KBTBD11: variants seen among roughly 807,000 people sequenced by gnomAD.
KBTBD11 encodes kelch repeat and BTB domain-containing protein 11.
For missense variants in KBTBD11, 1,390 were observed against 1,001.8 expected (o/e 1.39, Z -5.23); for synonymous variants, 747 against 499.0 (o/e 1.50, Z -6.63).
intron 1 of KBTBD11, among the ~76,000 whole-genome samples, chr8:1,993,381 CCG>C (rs1816992689): frequency 2.3e-5 from 3 of 132,530 alleles, no homozygotes; most frequent in African/African-American, 8.2e-5. Flanking sequence ...GTCCGTCCGT[CCG>C]TCCGTCCGTC....
chr8:1,981,215 A>G (rs1339011583), intron 1 of KBTBD11, among the ~76,000 whole-genome samples: 1 of 152,194 alleles, frequency 6.6e-6, no homozygotes, highest in Non-Finnish European at 1.5e-5. Context: ...AATGAAGGGG[A>G]GAGAAAGACT....
chr8:1,986,651 C>G (rs1318131484), intron 1 of KBTBD11, among the ~76,000 whole-genome samples: 1 of 152,124 alleles, frequency 6.6e-6, no homozygotes. Context: ...ATTAACTGTA[C>G]TTAGGTGTGT....
chr8:1,993,792 G>C (rs1224872901), intron 1 of KBTBD11, among the ~76,000 whole-genome samples: 1 of 151,944 alleles, frequency 6.6e-6, no homozygotes, highest in South Asian at 2.1e-4. Flanking sequence ...TCTTATTAGA[G>C]AATGCACCAT....
intron 1 of KBTBD11, among the ~76,000 whole-genome samples, chr8:1,980,450 C>G (rs988341083): frequency 6.6e-6 from 1 of 152,220 alleles, no homozygotes; most frequent in Non-Finnish European, 1.5e-5. Flanking sequence ...TGGTCCCAAT[C>G]TCTTGACCTC....
chr8:2,001,525 C>T lies in KBTBD11; in HGVS notation c.333C>T (p.Arg111=). Residue 111 remains arginine (R), a synonymous_variant, in exon 2 of 2, where the codon CGC becomes CGT. Coordinates refer to ENST00000320248, the MANE Select transcript of KBTBD11 (RefSeq NM_014867.3). ...CCGCGGCGCCGTCCCCCGAACCGCG[C>T]GTTTGGCTTGAGGACCCCGCGTCCC... is the stretch of plus-strand genomic sequence containing the variant. ...EEPAAPSPEP[R]VWLEDPASPE... The T allele has an allele frequency of 1.4e-6, 2 of 1,423,786 alleles. No homozygotes were observed. The highest frequency in any genetic ancestry group is 2.5e-4 in the Middle Eastern group (1 of 4,026). The allele number at this position is 1,423,786 out of a possible 1,614,324, so 88.2% of individuals were successfully genotyped here. A position where few individuals can be genotyped will look rare whatever the true frequency, so the allele number is the denominator to read the frequency against.
Position 2,004,016 on chromosome 8 carries a change from T to C in KBTBD11, c.*952T>C, listed in dbSNP as rs951635953. On this transcript the variant is annotated 3_prime_UTR_variant, in exon 2 of 2. Coordinates refer to ENST00000320248, the MANE Select transcript of KBTBD11 (RefSeq NM_014867.3). ...TTTGACAGTTCTATAAAAAAAAGTG[T>C]AGGCACATTTTAAACCCACTGTATA... is the stretch of plus-strand genomic sequence containing the variant. 3 of 166,802 alleles carry C rather than the reference T, an allele frequency of 1.8e-5. No homozygotes were observed. The highest frequency in any genetic ancestry group is 4.8e-5 in the African/African-American group (2 of 41,444). 10.3% of individuals were successfully genotyped at this position (166,802 alleles called of 1,614,324 possible).
chr8:2,005,671 C>T lies in KBTBD11; in HGVS notation c.*2607C>T, dbSNP rs939999826. 7 of 167,080 alleles carry T rather than the reference C, an allele frequency of 4.2e-5. No homozygotes were observed. The highest frequency in any genetic ancestry group is 8.8e-5 in the Non-Finnish European group (6 of 68,134). The allele number at this position is 167,080 out of a possible 1,614,324, so 10.3% of individuals were successfully genotyped here. On this transcript the variant is annotated 3_prime_UTR_variant, in exon 2 of 2. Coordinates refer to ENST00000320248, the MANE Select transcript of KBTBD11 (RefSeq NM_014867.3). Reference sequence around the variant, plus strand: ...TGCAAAAATATTCCTGGTCATCCACCCATTAAAATAGTTAGATGAGGCTAT... The same window carrying T: ...TGCAAAAATATTCCTGGTCATCCACTCATTAAAATAGTTAGATGAGGCTAT...
Position 2,002,583 on chromosome 8 carries a change from G to A in KBTBD11, c.1391G>A (p.Gly464Asp). 1.3e-6 allele frequency: 2 copies of A among 1,583,170 alleles called. No homozygotes were observed. The highest frequency in any genetic ancestry group is 1.7e-5 in the Admixed American group (1 of 58,488). ...TCHGEIYVSG[G>D]SLFYRLLKYD... ...CACGGCGAGATCTACGTGTCCGGGG[G>A]CTCCCTCTTCTATCGCCTGCTCAAG... Residue 464 changes from glycine to aspartate, a missense_variant, in exon 2 of 2, where the codon GGC becomes GAC. Physicochemically the swap from Gly to Asp is moderately conservative, Grantham distance 94 (BLOSUM62 -1). Transcript: ENST00000320248. The surrounding 1 kb of genome is among the most constrained non-coding windows in gnomAD (Gnocchi z 4.1).
chr8:1,993,109 A>AT (rs890769596), intron 1 of KBTBD11, among the ~76,000 whole-genome samples: 7 of 151,126 alleles, frequency 4.6e-5, no homozygotes, highest in South Asian at 2.1e-4. Flanking sequence ...CTCTCAGCTA[A>AT]TTTTTTTTTG....
rs569689861 is a variant in KBTBD11 at position 2,006,113 on chromosome 8, A to C, written c.*3049A>C. The C allele has an allele frequency of 2.7e-4, 45 of 167,200 alleles. No homozygotes were observed. The highest frequency in any genetic ancestry group is 2.1e-3 in the Admixed American group (32 of 15,306). The allele number at this position is 167,200 out of a possible 1,614,324, so 10.4% of individuals were successfully genotyped here. A position where few individuals can be genotyped will look rare whatever the true frequency, so the allele number is the denominator to read the frequency against. On this transcript the variant is annotated 3_prime_UTR_variant, in exon 2 of 2. Coordinates refer to ENST00000320248, the MANE Select transcript of KBTBD11 (RefSeq NM_014867.3). ...GTTGTGGAAATTCTTTGGCTACTTA[A>C]CTAAAACTCGTGACTGTATAAGTTT... is the stretch of plus-strand genomic sequence containing the variant.
At chr8:1,985,448 C>T (rs1331580084) in intron 1 of KBTBD11, among the ~76,000 whole-genome samples, 18 of 152,294 alleles carry the variant, frequency 1.2e-4, no homozygotes. Context: ...AGGGGAGATG[C>T]TCTTCCACAG....
chr8:2,003,111 C>T lies in KBTBD11; in HGVS notation c.*47C>T. On this transcript the variant is annotated 3_prime_UTR_variant, in exon 2 of 2. Coordinates refer to ENST00000320248, the MANE Select transcript of KBTBD11 (RefSeq NM_014867.3). ...CTCCCTCGGCAGGGGTTTGCGGGGC[C>T]CAGGTCCCTTTGGGCCCGCGGAGGA... 1 of 1,254,882 alleles carries T rather than the reference C, an allele frequency of 8.0e-7. No individual in the cohort carries two copies. Among genetic ancestry groups the T allele is most frequent in the Non-Finnish European group, 1.0e-6 (1 of 993,702 alleles). 77.7% of individuals were successfully genotyped at this position (1,254,882 alleles called of 1,614,324 possible). A position where few individuals can be genotyped will look rare whatever the true frequency, so the allele number is the denominator to read the frequency against.
In KBTBD11 at chr8:2,001,555, G is replaced by C; in HGVS notation, c.363G>C (p.Glu121Asp). 1 of 1,429,426 alleles carries C rather than the reference G, an allele frequency of 7.0e-7. No individual in the cohort carries two copies. The highest frequency in any genetic ancestry group is 9.1e-7 in the Non-Finnish European group (1 of 1,094,644). 88.5% of individuals were successfully genotyped at this position (1,429,426 alleles called of 1,614,324 possible). A position where few individuals can be genotyped will look rare whatever the true frequency, so the allele number is the denominator to read the frequency against. ...GGCTTGAGGACCCCGCGTCCCCCGA[G>C]GAGCCCGGGGAGCCCGCGCCCGTAC... Reference protein sequence around the residue: ...RVWLEDPASPEEPGEPAPVPP... With the variant: ...RVWLEDPASPDEPGEPAPVPP... Residue 121 changes from glutamate (E) to aspartate (D), a missense_variant, in exon 2 of 2, where the codon GAG becomes GAC. Physicochemically the swap from Glu to Asp is conservative, Grantham distance 45 (BLOSUM62 2). Coordinates refer to ENST00000320248, the MANE Select transcript of KBTBD11 (RefSeq NM_014867.3).
At position 2,001,058 on chromosome 8, in the gene KBTBD11, A is replaced by G; in HGVS notation, c.-135A>G. 8.6e-7 allele frequency: 1 copy of G among 1,159,100 alleles called. No individual in the cohort carries two copies. Among genetic ancestry groups the G allele is most frequent in the Non-Finnish European group, 1.1e-6 (1 of 913,268 alleles). 71.8% of individuals were successfully genotyped at this position (1,159,100 alleles called of 1,614,324 possible). On this transcript the variant is annotated 5_prime_UTR_variant, in exon 2 of 2. Transcript: ENST00000320248. ...TCACACACACAACAACAAAGCGTGGACACACAGAAGTGAAATCTGATCGCG... is the reference window on the plus strand; with the variant it reads ...TCACACACACAACAACAAAGCGTGGGCACACAGAAGTGAAATCTGATCGCG...
intron 1 of KBTBD11, chr8:1,975,877 G>A (rs1385359328): frequency 6.6e-6 from 1 of 152,172 alleles, no homozygotes; most frequent in Non-Finnish European, 1.5e-5. Context: ...CTTCAATGGG[G>A]TTTCCATATG....
Position 2,000,901 on chromosome 8 carries a change from C to A in KBTBD11, c.-292C>A. ...GCGGTCCTGGCGCCAGCTGGAGATCCATTCACCAAGACTTTCTGGGCAGAT... is the reference window on the plus strand; with the variant it reads ...GCGGTCCTGGCGCCAGCTGGAGATCAATTCACCAAGACTTTCTGGGCAGAT... On this transcript the variant is annotated 5_prime_UTR_variant, in exon 2 of 2. Transcript: ENST00000320248. The A allele has an allele frequency of 2.8e-6, 1 of 355,378 alleles. No individual in the cohort carries two copies. The highest frequency in any genetic ancestry group is 2.1e-5 in the African/African-American group (1 of 47,780). The allele number at this position is 355,378 out of a possible 1,614,324, so 22.0% of individuals were successfully genotyped here. A position where few individuals can be genotyped will look rare whatever the true frequency, so the allele number is the denominator to read the frequency against.
At chr8:1,988,063 C>T (rs1009526230) in intron 1 of KBTBD11, among the ~76,000 whole-genome samples, 1 of 152,154 alleles carries the variant, frequency 6.6e-6, no homozygotes, top group Non-Finnish European at 1.5e-5. Context: ...GACATGAACT[C>T]ATCCTTTTTA....
intron 1 of KBTBD11, among the ~76,000 whole-genome samples, chr8:1,984,288 T>C (rs1816638625): frequency 3.1e-5 from 1 of 32,308 alleles, no homozygotes; most frequent in Non-Finnish European, 1.0e-4. Context: ...AGTTTTTTTT[T>C]TTTTTTTTTT....
At chr8:1,987,909 T>C (rs1816758221) in intron 1 of KBTBD11, among the ~76,000 whole-genome samples, 1 of 151,628 alleles carries the variant, frequency 6.6e-6, no homozygotes, top group South Asian at 2.1e-4. Flanking sequence ...CGGGCCCCGG[T>C]GTGTGATGTT....
Sources: allele counts gnomAD v4.1 joint callset (sites outside exome capture counted in the v4.1 genomes callset), GRCh38; gene constraint gnomAD v4.1.1; non-coding constraint Gnocchi (gnomAD v3.1); transcripts MANE v1.5; gene names NCBI Gene and HGNC (gene_info 2026-07-23, HGNC 2026-07-21).